CNTNAP5: variants seen among roughly 807,000 people sequenced by gnomAD.
CNTNAP5 encodes the protein contactin associated protein family member 5.
In CNTNAP5, 72 loss-of-function variants were observed where a neutral mutation model predicts 150.2. The ratio of observed to expected loss-of-function variants is 0.48; its 90% confidence interval spans 0.40 to 0.58. The LOEUF (loss-of-function observed/expected upper bound fraction) is 0.58. Among genes scored for constraint, CNTNAP5 ranks in the 20% least tolerant of loss-of-function variants. The pLI is 0.00. For missense variants in CNTNAP5, 1,636 were observed against 1,626.2 expected (o/e 1.01, Z -0.10); for synonymous variants, 672 against 619.8 (o/e 1.08, Z -1.25).
At chr2:124,785,325 G>A (rs1681542531) in intron 17 of CNTNAP5, among the ~76,000 whole-genome samples, 1 of 152,184 alleles carries the variant, frequency 6.6e-6, no homozygotes, top group Non-Finnish European at 1.5e-5. Context: ...GTTGAGAATT[G>A]CCATGCAAGA....
chr2:124,479,752 C>T lies in CNTNAP5; in HGVS notation c.1062+4870C>T, dbSNP rs1156733632. On this transcript the variant is annotated intron_variant, in intron 7 of 23. Coordinates refer to ENST00000682447, the MANE Select transcript of CNTNAP5 (RefSeq NM_001367498.1). ...AACCCAAAGGTCTCACTTCAGTGTT[C>T]CTGGAAGCATCCTCAATAAAATCAT... Among the ~76,000 whole-genome samples, 4 of 152,152 alleles carry T rather than the reference C, an allele frequency of 2.6e-5. No homozygotes were observed. In the East Asian group the frequency reaches 7.7e-4, roughly 29 times the overall value.
At chr2:124,635,797 C>A (rs577213278) in intron 12 of CNTNAP5, among the ~76,000 whole-genome samples, 1 of 152,294 alleles carries the variant, frequency 6.6e-6, no homozygotes, top group East Asian at 1.9e-4. Flanking sequence ...CCAAGCACCC[C>A]TTGCTTGAGA....
At chr2:124,285,137 G>A (rs1011658383) in intron 3 of CNTNAP5, among the ~76,000 whole-genome samples, 1 of 152,154 alleles carries the variant, frequency 6.6e-6, no homozygotes, top group African/African-American at 2.4e-5. Flanking sequence ...CGGGCAACTT[G>A]AGTAGCTTTA....
intron 10 of CNTNAP5, among the ~76,000 whole-genome samples, chr2:124,557,771 C>G (rs1401990708): frequency 1.3e-5 from 2 of 152,016 alleles, no homozygotes; most frequent in East Asian, 3.9e-4. Flanking sequence ...GTGGCAGGCC[C>G]CTTTGAGAAG....
intron 17 of CNTNAP5, among the ~76,000 whole-genome samples, chr2:124,786,436 AAGGAAG>A (rs1681588566): frequency 1.1e-4 from 14 of 122,062 alleles, no homozygotes; most frequent in East Asian, 8.9e-4. Flanking sequence ...GGAAGGAAGG[AAGGAAG>A]GAAGGAAAGA....
intron 10 of CNTNAP5, among the ~76,000 whole-genome samples, chr2:124,547,511 C>T (rs1695540140): frequency 6.6e-6 from 1 of 152,094 alleles, no homozygotes; most frequent in Admixed American, 6.5e-5. Context: ...CATGTGTATT[C>T]CTGTGTGAGG....
intron 17 of CNTNAP5, 80 bp downstream of exon 17, chr2:124,773,097 T>C: frequency 9.7e-7 from 1 of 1,034,278 alleles, no homozygotes; most frequent in South Asian, 1.3e-5. Context: ...AAATTCTCTT[T>C]TATCTGAGAT....
chr2:124,605,728 A>G (rs1032735425), intron 11 of CNTNAP5, among the ~76,000 whole-genome samples: 2 of 144,376 alleles, frequency 1.4e-5, no homozygotes, highest in African/African-American at 2.5e-5. Flanking sequence ...AGGCAGGAGA[A>G]TTGCTTGGAC....
At chr2:124,812,488 T>C (rs1212789654) in intron 19 of CNTNAP5, among the ~76,000 whole-genome samples, 1 of 152,032 alleles carries the variant, frequency 6.6e-6, no homozygotes, top group Non-Finnish European at 1.5e-5. Flanking sequence ...TCCCCACTTT[T>C]GGAATTCAGG....
At chr2:124,793,073 A>T (rs1681770646) in intron 18 of CNTNAP5, among the ~76,000 whole-genome samples, 1 of 152,198 alleles carries the variant, frequency 6.6e-6, no homozygotes, top group Non-Finnish European at 1.5e-5. Context: ...GTTGTGTCAA[A>T]CGGTAACTAT....
chr2:124,875,612 TTGG>T (rs1245958327), intron 21 of CNTNAP5, among the ~76,000 whole-genome samples: 1 of 152,098 alleles, frequency 6.6e-6, no homozygotes, highest in Non-Finnish European at 1.5e-5. Context: ...TGCAAATTAC[TTGG>T]TATTTAGCAT....
intron 3 of CNTNAP5, among the ~76,000 whole-genome samples, chr2:124,316,504 G>A (rs1366853200): frequency 6.6e-6 from 1 of 152,030 alleles, no homozygotes; most frequent in Admixed American, 6.6e-5. Flanking sequence ...TATCTGCAGT[G>A]TGCTAAGAAT....
intron 1 of CNTNAP5, among the ~76,000 whole-genome samples, chr2:124,145,893 A>G (rs1314397421): frequency 6.6e-6 from 1 of 150,542 alleles, no homozygotes; most frequent in Non-Finnish European, 1.5e-5. Flanking sequence ...CATGGGAAGG[A>G]TTGAAATGTG....
chr2:124,047,086 G>T (rs74967130), intron 1 of CNTNAP5, among the ~76,000 whole-genome samples: 2,900 of 152,136 alleles, frequency 0.019, 90 homozygotes, highest in African/African-American at 0.066. Context: ...GCAAAAATAA[G>T]ACCAAGACAA....
At chr2:124,129,907 T>C (rs975288601) in intron 1 of CNTNAP5, among the ~76,000 whole-genome samples, 1 of 152,140 alleles carries the variant, frequency 6.6e-6, no homozygotes, top group Non-Finnish European at 1.5e-5. Context: ...TGCAAATGAG[T>C]AAACAGATAC....
intron 13 of CNTNAP5, among the ~76,000 whole-genome samples, chr2:124,697,173 C>G (rs1479534969): frequency 6.6e-6 from 1 of 152,140 alleles, no homozygotes; most frequent in Non-Finnish European, 1.5e-5. Flanking sequence ...CCCATATACA[C>G]TGTACCCAGT....
At chr2:124,161,103 A>G (rs2104648888) in intron 1 of CNTNAP5, among the ~76,000 whole-genome samples, 1 of 152,318 alleles carries the variant, frequency 6.6e-6, no homozygotes, top group East Asian at 1.9e-4. Context: ...TTCTTGTAGC[A>G]ATGGCTAGAT....
At chr2:124,502,084 T>G (rs985181532) in intron 7 of CNTNAP5, among the ~76,000 whole-genome samples, 1 of 152,082 alleles carries the variant, frequency 6.6e-6, no homozygotes, top group Non-Finnish European at 1.5e-5. Flanking sequence ...ATTTCAAAGT[T>G]TTCCTGCTTT....
At chr2:124,485,538 G>A (rs922395068) in intron 7 of CNTNAP5, among the ~76,000 whole-genome samples, 3 of 150,448 alleles carry the variant, frequency 2.0e-5, no homozygotes, top group Non-Finnish European at 4.4e-5. Flanking sequence ...GCATGAACCC[G>A]GGAGGCGGAG....
Sources: gnomAD v4.1 joint callset for allele counts (sites outside exome capture counted in the v4.1 genomes callset) on GRCh38, gnomAD v4.1.1 for gene constraint, MANE v1.5 for transcripts, NCBI Gene and HGNC (gene_info 2026-07-23, HGNC 2026-07-21) for gene names.